GALNT13: variants seen among roughly 807,000 people sequenced by gnomAD.
GALNT13 encodes polypeptide N-acetylgalactosaminyltransferase 13, also known as UDP-GalNAc:polypeptide N-acetylgalactosaminyltransferase 13.
Under a neutral mutation model 64.2 loss-of-function variants are expected in GALNT13, and 28 were observed. That is an observed-to-expected ratio of 0.44 (90% confidence interval 0.32 to 0.60). The LOEUF (loss-of-function observed/expected upper bound fraction) is 0.60, where lower values mean the gene tolerates loss of function less well. Among genes scored for constraint, GALNT13 ranks in the 20% least tolerant of loss-of-function variants. The probability of loss-of-function intolerance (pLI) is 0.05; values close to 1 mark genes in which losing one functional copy is unlikely to be tolerated. For missense variants in GALNT13, 577 were observed against 669.8 expected, an observed-to-expected ratio of 0.86 and a Z score of 1.53; for synonymous variants, 214 against 224.6, an observed-to-expected ratio of 0.95 and a Z score of 0.42.
At chr2:153,250,161 A>G in the GALNT13 span, among the ~76,000 whole-genome samples, 31 of 152,336 alleles carry the variant, frequency 2.0e-4, no homozygotes, top group African/African-American at 7.5e-4. Context: ...TAATATCCAG[A>G]ATCTACAAGG....
rs150782228 is a variant in GALNT13 at position 154,182,338 on chromosome 2, G to A, written c.311+41833G>A. ...TGAAAAGCATAAATTGCTGTTTTTT[G>A]TGTGCGCATTTGGTAAAAGTACTTC... On this transcript the variant is annotated intron_variant, in intron 4 of 12. Coordinates refer to ENST00000392825, the MANE Select transcript of GALNT13 (RefSeq NM_052917.4). 2.6e-3 allele frequency among the ~76,000 whole-genome samples: 396 copies of A among 152,178 alleles called. 2 individuals are homozygous for A. Among genetic ancestry groups the A allele is most frequent in the East Asian group, 0.012 (64 of 5,174 alleles).
the GALNT13 span, among the ~76,000 whole-genome samples, chr2:153,709,441 ATCACC>A: frequency 6.6e-6 from 1 of 152,080 alleles, no homozygotes; most frequent in African/African-American, 2.4e-5. Context: ...ACCACAAGAT[ATCACC>A]TCACATCTAT....
intron 2 of GALNT13, among the ~76,000 whole-genome samples, chr2:153,924,665 A>C (rs907139863): frequency 6.6e-6 from 1 of 152,164 alleles, no homozygotes; most frequent in Non-Finnish European, 1.5e-5. Context: ...GAACTAATTT[A>C]TACTCTCACC....
At chr2:153,922,163 A>G (rs1425774110) in intron 2 of GALNT13, among the ~76,000 whole-genome samples, 1 of 152,142 alleles carries the variant, frequency 6.6e-6, no homozygotes, top group Non-Finnish European at 1.5e-5. Flanking sequence ...TGGATGTGGG[A>G]AATCAGAGAA....
At chr2:153,178,861 G>A in the GALNT13 span, among the ~76,000 whole-genome samples, 1 of 77,436 alleles carries the variant, frequency 1.3e-5, no homozygotes, top group African/African-American at 4.5e-5. Flanking sequence ...TCAGTCTCCC[G>A]AGTAGCTGGA....
At chr2:153,113,985 A>C in the GALNT13 span, among the ~76,000 whole-genome samples, 3 of 152,110 alleles carry the variant, frequency 2.0e-5, no homozygotes, top group Non-Finnish European at 4.4e-5. Flanking sequence ...AGTTCTTCCC[A>C]ATGTTTTCAT....
At chr2:154,353,835 A>T (rs1456694936) in intron 9 of GALNT13, among the ~76,000 whole-genome samples, 1 of 152,260 alleles carries the variant, frequency 6.6e-6, no homozygotes, top group African/African-American at 2.4e-5. Context: ...GGTCGTTTCC[A>T]TATCTTGGCT....
At chr2:154,230,730 A>G (rs1326027368) in intron 4 of GALNT13, among the ~76,000 whole-genome samples, 1 of 152,120 alleles carries the variant, frequency 6.6e-6, no homozygotes, top group Non-Finnish European at 1.5e-5. Flanking sequence ...GTTAAAGTCC[A>G]GATGAGGTCC....
the GALNT13 span, among the ~76,000 whole-genome samples, chr2:153,385,214 A>G: frequency 6.6e-6 from 1 of 152,106 alleles, no homozygotes; most frequent in South Asian, 2.1e-4. Context: ...AAATAAGTAT[A>G]TCAAACAGAT....
At chr2:154,278,857 A>G (rs372996140) in intron 8 of GALNT13, among the ~76,000 whole-genome samples, 6 of 152,180 alleles carry the variant, frequency 3.9e-5, no homozygotes, top group African/African-American at 1.4e-4. Flanking sequence ...AGGAAAAATC[A>G]TAGTAACTTT....
At chr2:153,155,084 A>C in the GALNT13 span, among the ~76,000 whole-genome samples, 1 of 152,118 alleles carries the variant, frequency 6.6e-6, no homozygotes, top group African/African-American at 2.4e-5. Flanking sequence ...AGCCAACTTG[A>C]CTGTGGTGGA....
chr2:153,731,104 G>C, the GALNT13 span, among the ~76,000 whole-genome samples: 1 of 151,692 alleles, frequency 6.6e-6, no homozygotes, highest in Non-Finnish European at 1.5e-5. Context: ...ATGTTTGTGT[G>C]TGTGTGAATG....
At chr2:154,236,675 A>G (rs1466588804) in intron 4 of GALNT13, among the ~76,000 whole-genome samples, 3 of 152,066 alleles carry the variant, frequency 2.0e-5, no homozygotes, top group Non-Finnish European at 4.4e-5. Context: ...TGCTATTGCC[A>G]TCTGCCACTT....
the GALNT13 span, among the ~76,000 whole-genome samples, chr2:153,575,538 A>G: frequency 6.6e-6 from 1 of 152,138 alleles, no homozygotes; most frequent in Non-Finnish European, 1.5e-5. Flanking sequence ...TTAGAAGTCT[A>G]CCTGGTATTC....
chr2:153,502,530 A>G, the GALNT13 span, among the ~76,000 whole-genome samples: 1 of 152,206 alleles, frequency 6.6e-6, no homozygotes, highest in Non-Finnish European at 1.5e-5. Flanking sequence ...TGCAATTGCA[A>G]ATTGTGCTGC....
the GALNT13 span, among the ~76,000 whole-genome samples, chr2:153,760,915 G>T: frequency 6.6e-6 from 1 of 152,070 alleles, no homozygotes; most frequent in African/African-American, 2.4e-5. Context: ...TTCCAACGTT[G>T]GGTGTATTAT....
chr2:154,211,568 C>A (rs950158277), intron 4 of GALNT13, among the ~76,000 whole-genome samples: 1 of 125,354 alleles, frequency 8.0e-6, no homozygotes. Flanking sequence ...GCAGATTTTG[C>A]AGTGAGCCAA....
At chr2:153,172,282 C>A in the GALNT13 span, among the ~76,000 whole-genome samples, 1 of 152,092 alleles carries the variant, frequency 6.6e-6, no homozygotes, top group Non-Finnish European at 1.5e-5. Flanking sequence ...TGGTGTAGCT[C>A]CTGTAAGCCA....
At chr2:153,110,243 T>C in the GALNT13 span, among the ~76,000 whole-genome samples, 2 of 152,092 alleles carry the variant, frequency 1.3e-5, no homozygotes, top group South Asian at 2.1e-4. Flanking sequence ...TTCCTGTTCC[T>C]GGGCCCCCAA....
Sources: gnomAD v4.1 joint callset for allele counts (sites outside exome capture counted in the v4.1 genomes callset) on GRCh38, gnomAD v4.1.1 for gene constraint, MANE v1.5 for transcripts, NCBI Gene and HGNC (gene_info 2026-07-23, HGNC 2026-07-21) for gene names.